The following DLGAP2 variants were observed in gnomAD, a reference collection of about 807,000 sequenced individuals.
The protein encoded by DLGAP2 is disks large-associated protein 2.
DLGAP2 carries 26 observed loss-of-function variants against 100.3 expected under a neutral mutation model. That is an observed-to-expected ratio of 0.26 (90% CI 0.19 to 0.36). The LOEUF is 0.36. DLGAP2 is among the 10% of genes least tolerant of loss of function. The pLI is 1.00. For synonymous variants in DLGAP2, 886 were observed against 630.1 expected (o/e 1.41, Z -6.08); for missense variants, 1,858 against 1,453.2 (o/e 1.28, Z -4.53).
Position 1,271,045 on chromosome 8 carries a change from C to G in DLGAP2, c.106+12162C>G, listed in dbSNP as rs373376862. On this transcript the variant is annotated intron_variant, in intron 3 of 14. Transcript: ENST00000637795. ...ACGGATGACCCATTTCCTAATATTG[C>G]AATTCTCAAATTCTTTCCCCACGTC... Among the ~76,000 whole-genome samples, 7 of 152,190 alleles carry G rather than the reference C, an allele frequency of 4.6e-5. No individual in the cohort carries two copies. In the South Asian group the frequency reaches 1.5e-3, roughly 32 times the overall value.
intron 2 of DLGAP2, among the ~76,000 whole-genome samples, chr8:1,076,919 A>AGAG (rs1406622103): frequency 8.1e-6 from 1 of 124,014 alleles, no homozygotes; most frequent in African/African-American, 3.1e-5. Context: ...CCCAAGACCA[A>AGAG]GAGGAGGAGG....
chr8:902,382 G>T (rs549502571), intron 1 of DLGAP2, among the ~76,000 whole-genome samples: 3 of 150,732 alleles, frequency 2.0e-5, no homozygotes, highest in African/African-American at 7.3e-5. Flanking sequence ...TCCAAGGGCA[G>T]CCGGAGGGTT....
At chr8:1,062,572 C>G (rs1803118597) in intron 2 of DLGAP2, among the ~76,000 whole-genome samples, 2 of 152,182 alleles carry the variant, frequency 1.3e-5, no homozygotes, top group South Asian at 2.1e-4. Flanking sequence ...TAGACAGTAG[C>G]CAGCTGGTAG....
chr8:1,303,270 G>A (rs62483949), intron 3 of DLGAP2, among the ~76,000 whole-genome samples: 21,490 of 152,004 alleles, frequency 0.14, 1,778 homozygotes, highest in Middle Eastern at 0.3. Flanking sequence ...GGTGGCGGGC[G>A]CCTGTAGTCC....
At chr8:1,481,084 A>G (rs574914877) in intron 3 of DLGAP2, among the ~76,000 whole-genome samples, 143 of 152,160 alleles carry the variant, frequency 9.4e-4, no homozygotes, top group Non-Finnish European at 1.9e-3. Flanking sequence ...AGGCAGGAGA[A>G]TGGCGTGAAC....
At chr8:1,303,182 G>A (rs887143980) in intron 3 of DLGAP2, among the ~76,000 whole-genome samples, 2 of 152,184 alleles carry the variant, frequency 1.3e-5, no homozygotes, top group African/African-American at 2.4e-5. Context: ...TGGATCACAA[G>A]GTCAGGAGCT....
In DLGAP2 at chr8:1,640,571, TG is replaced by T. The variant is rs757031197; in HGVS notation, c.1810+7526del. Among the ~76,000 whole-genome samples, 5 of 152,136 alleles carry T rather than the reference TG, an allele frequency of 3.3e-5. No individual in the cohort carries two copies. In the East Asian group the frequency reaches 7.7e-4, roughly 24 times the overall value. On this transcript the variant is annotated intron_variant, in intron 8 of 14. Transcript: ENST00000637795. ...AAACTGCCAACCACCATGGCTTCCATGAAGCCCCAAGAATCCTTCAGCAAAG... is the reference window on the plus strand; with the variant it reads ...AAACTGCCAACCACCATGGCTTCCATAAGCCCCAAGAATCCTTCAGCAAAG...
At chr8:1,601,114 T>G (rs1291113314) in intron 6 of DLGAP2, among the ~76,000 whole-genome samples, 1 of 152,234 alleles carries the variant, frequency 6.6e-6, no homozygotes, top group Non-Finnish European at 1.5e-5. Flanking sequence ...TAGTTTTCTT[T>G]CTAACCATCA....
intron 2 of DLGAP2, among the ~76,000 whole-genome samples, chr8:988,723 T>C (rs1800560809): frequency 6.6e-6 from 1 of 152,090 alleles, no homozygotes; most frequent in Non-Finnish European, 1.5e-5. Context: ...CCACCTGCCC[T>C]CTGGTTCCTG....
chr8:788,720 T>A lies in DLGAP2; in HGVS notation c.18+50895T>A, dbSNP rs573056662. Among the ~76,000 whole-genome samples the A allele has an allele frequency of 2.6e-5, 4 of 152,360 alleles. No homozygotes were observed. The South Asian group carries it at 6.2e-4, about 24-fold the overall frequency. ...CCTGGGGGCAGTGTTTTAATCAGAT[T>A]TCTTTTAAGAAGTGGGGTGATACTG... is the stretch of plus-strand genomic sequence containing the variant. On this transcript the variant is annotated intron_variant, in intron 1 of 14. Transcript: ENST00000637795.
intron 3 of DLGAP2, among the ~76,000 whole-genome samples, chr8:1,316,424 G>A (rs111921976): frequency 7.0e-5 from 8 of 113,598 alleles, no homozygotes; most frequent in African/African-American, 1.8e-4. Flanking sequence ...CGAGTGCAGC[G>A]TCTCTCCAAC....
chr8:1,522,985 C>G (rs986025109), intron 4 of DLGAP2, among the ~76,000 whole-genome samples: 1 of 152,200 alleles, frequency 6.6e-6, no homozygotes, highest in East Asian at 1.9e-4. Context: ...CTTTGCTCTT[C>G]ACGTCAGCCA....
intron 1 of DLGAP2, among the ~76,000 whole-genome samples, chr8:789,926 C>G (rs991787488): frequency 2.0e-5 from 3 of 152,166 alleles, no homozygotes; most frequent in Non-Finnish European, 2.9e-5. Flanking sequence ...GCACCCCTGA[C>G]CCACTGTGCT....
In DLGAP2 at chr8:1,633,086, A is replaced by AGAGGC. The variant is rs761616878; in HGVS notation, c.1810+41_1810+45dup. 6.9e-6 allele frequency: 11 copies of AGAGGC among 1,603,412 alleles called. No homozygotes were observed. The Admixed American group carries it at 1.8e-4, about 27-fold the overall frequency. ...TTTTCAGCCTTCCAGCGGGGACTCT[A>AGAGGC]GAGGCATACCTGTCTTCATCCTAGA... is the stretch of plus-strand genomic sequence containing the variant. On this transcript the variant is annotated intron_variant, in intron 8 of 14. Transcript: ENST00000637795.
At chr8:1,366,500 C>T (rs1802111610) in intron 3 of DLGAP2, among the ~76,000 whole-genome samples, 2 of 152,170 alleles carry the variant, frequency 1.3e-5, no homozygotes, top group African/African-American at 4.8e-5. Context: ...TGGAGTTGGT[C>T]TTCCTGAGCT....
intron 2 of DLGAP2, among the ~76,000 whole-genome samples, chr8:1,110,543 G>T (rs28626061): frequency 6.6e-6 from 1 of 151,372 alleles, no homozygotes; most frequent in Non-Finnish European, 1.5e-5. Flanking sequence ...GTGTGCATAG[G>T]GTGGGTGAGG....
chr8:1,645,144 G>A (rs914470572), intron 8 of DLGAP2, among the ~76,000 whole-genome samples: 2 of 152,222 alleles, frequency 1.3e-5, no homozygotes, highest in Non-Finnish European at 2.9e-5. Flanking sequence ...ATGAATGAAT[G>A]AATGAAACAG....
At chr8:1,572,052 G>GCA (rs1432749794) in intron 6 of DLGAP2, among the ~76,000 whole-genome samples, 1 of 120,854 alleles carries the variant, frequency 8.3e-6, no homozygotes, top group Non-Finnish European at 1.7e-5. Context: ...CTGTGGGGAT[G>GCA]TCTGATGAGA....
intron 2 of DLGAP2, among the ~76,000 whole-genome samples, chr8:1,156,533 C>T (rs1022975257): frequency 6.6e-6 from 1 of 152,096 alleles, no homozygotes; most frequent in African/African-American, 2.4e-5. Context: ...GGAGTGGCCC[C>T]GACTCCCCCA....
Sources: allele counts gnomAD v4.1 joint callset (sites outside exome capture counted in the v4.1 genomes callset), GRCh38; gene constraint gnomAD v4.1.1; transcripts MANE v1.5; gene names NCBI Gene and HGNC (gene_info 2026-07-23, HGNC 2026-07-21).